Variants in ATL2 observed in about 807,000 individuals in gnomAD.
ATL2 encodes the protein atlastin-2.
In ATL2, 31 loss-of-function variants were observed where a neutral mutation model predicts 73.9. The observed-to-expected ratio is 0.42, with a 90% CI of 0.32 to 0.57. The LOEUF (loss-of-function observed/expected upper bound fraction) is 0.57. ATL2 is among the 20% of genes least tolerant of loss of function. The pLI, the probability that ATL2 is intolerant of heterozygous loss-of-function variation, is 0.14. For synonymous variants in ATL2, 291 were observed against 237.5 expected (o/e 1.23, Z -2.07); for missense variants, 738 against 702.6 (o/e 1.05, Z -0.57).
At chr2:38,296,460 G>C in intron 12 of ATL2, 3 of 1,585,334 alleles carry the variant, frequency 1.9e-6, no homozygotes, top group East Asian at 2.3e-5. Context: ...ACTTCAGATA[G>C]AGAAAAAGGT....
intron 2 of ATL2, among the ~76,000 whole-genome samples, chr2:38,335,450 C>T (rs1258325746): frequency 2.6e-5 from 4 of 152,132 alleles, no homozygotes; most frequent in African/African-American, 9.7e-5. Flanking sequence ...AATGTGCATA[C>T]ACCAGCCTTA....
intron 1 of ATL2, among the ~76,000 whole-genome samples, chr2:38,355,679 A>G (rs190306481): frequency 2.4e-4 from 36 of 151,362 alleles, no homozygotes; most frequent in Non-Finnish European, 2.9e-5. Flanking sequence ...AAACAGATAA[A>G]TGCATAGTCA....
At chr2:38,301,418 A>T (rs1667185524) in intron 9 of ATL2, among the ~76,000 whole-genome samples, 1 of 152,186 alleles carries the variant, frequency 6.6e-6, no homozygotes, top group Non-Finnish European at 1.5e-5. Context: ...AAGAACCAAA[A>T]ATCAGGTGAG....
At chr2:38,306,389 A>G (rs60609939) in intron 9 of ATL2, among the ~76,000 whole-genome samples, 15,718 of 152,264 alleles carry the variant, frequency 0.1, 2,715 homozygotes, top group African/African-American at 0.36. Context: ...AACCAATACT[A>G]CAAGGCCAGT....
At position 38,309,446 on chromosome 2, in the gene ATL2, T is replaced by G; in HGVS notation, c.1004A>C (p.Glu335Ala). ...RNLVPLLLAP[E>A]NLVEKEISGS... ...ACTTATCTCTTTTTCTACCAAATTTTCAGGGGCAAGCAGCAATGGAACCAG... is the reference window on the plus strand; with the variant it reads ...ACTTATCTCTTTTTCTACCAAATTTGCAGGGGCAAGCAGCAATGGAACCAG... The change falls in exon 9 of 13, where the codon GAA becomes GCA. Residue 335 changes from glutamate (E) to alanine (A), a missense_variant. By Grantham distance (107) the Glu-to-Ala change is moderately radical (BLOSUM62 -1). Coordinates refer to ENST00000378954, the MANE Select transcript of ATL2 (RefSeq NM_001135673.4). The G allele has an allele frequency of 6.2e-7, 1 of 1,612,788 alleles. No homozygotes were observed. Among genetic ancestry groups the G allele is most frequent in the African/African-American group, 1.3e-5 (1 of 75,014 alleles).
At chr2:38,319,097 T>C in intron 2 of ATL2, 78 bp from the exon 3 acceptor site, 1 of 1,462,352 alleles carries the variant, frequency 6.8e-7, no homozygotes, top group East Asian at 2.3e-5. Flanking sequence ...CATTCTTTAT[T>C]TTACAGATGG....
At chr2:38,329,368 C>T (rs2148458206) in intron 2 of ATL2, among the ~76,000 whole-genome samples, 1 of 124,562 alleles carries the variant, frequency 8.0e-6, no homozygotes, top group South Asian at 2.6e-4. Flanking sequence ...GCAGAGGGTG[C>T]AGTGGGCCAA....
chr2:38,316,945 A>C (rs998895850), intron 4 of ATL2, among the ~76,000 whole-genome samples: 1 of 152,108 alleles, frequency 6.6e-6, no homozygotes. Flanking sequence ...AAAGAGACTT[A>C]GAGGGTCCCC....
intron 9 of ATL2, among the ~76,000 whole-genome samples, chr2:38,302,525 C>T (rs1391063971): frequency 6.6e-6 from 1 of 152,122 alleles, no homozygotes; most frequent in Non-Finnish European, 1.5e-5. Flanking sequence ...TGCTGTGCTG[C>T]CTTCAGGTCT....
chr2:38,301,333 A>G (rs1022802586), intron 9 of ATL2, among the ~76,000 whole-genome samples: 1 of 152,230 alleles, frequency 6.6e-6, no homozygotes, highest in Non-Finnish European at 1.5e-5. Flanking sequence ...AAGATGGCCA[A>G]ATAGAAGCCT....
chr2:38,368,188 C>G (rs1671457313), intron 1 of ATL2, among the ~76,000 whole-genome samples: 1 of 151,866 alleles, frequency 6.6e-6, no homozygotes, highest in Admixed American at 6.6e-5. Flanking sequence ...CCCACCTCAG[C>G]CTCCCAAAGT....
intron 1 of ATL2, among the ~76,000 whole-genome samples, chr2:38,352,587 C>T (rs1490562013): frequency 6.6e-6 from 1 of 152,178 alleles, no homozygotes; most frequent in Non-Finnish European, 1.5e-5. Flanking sequence ...ACAAGCATCA[C>T]AGGTGCAGGG....
intron 2 of ATL2, among the ~76,000 whole-genome samples, chr2:38,332,370 C>T (rs6748931): frequency 6.6e-6 from 1 of 152,058 alleles, no homozygotes. Context: ...CCACGCTCGG[C>T]TAATTTTTTG....
chr2:38,306,632 A>T (rs775402847), intron 9 of ATL2, among the ~76,000 whole-genome samples: 1 of 152,264 alleles, frequency 6.6e-6, no homozygotes, highest in African/African-American at 2.4e-5. Flanking sequence ...CGTTATCACC[A>T]GAATGAAGAA....
In ATL2 at chr2:38,365,840, G is replaced by A. The variant is rs541377134; in HGVS notation, c.118+11303C>T. 7.2e-5 allele frequency among the ~76,000 whole-genome samples: 11 copies of A among 152,006 alleles called. No individual in the cohort carries two copies. In the South Asian group the frequency reaches 1.7e-3, roughly 23 times the overall value. ...TGTGTACCTAAAATCCCAGTTACTCGGGAGGCTGAGGCAGGAGAATGGTTT... is the reference window on the plus strand; with the variant it reads ...TGTGTACCTAAAATCCCAGTTACTCAGGAGGCTGAGGCAGGAGAATGGTTT... On this transcript the variant is annotated intron_variant, in intron 1 of 12. Transcript: ENST00000378954.
rs563448261 is a variant in ATL2, at chr2:38,377,016, G to C, written c.118+127C>G. On this transcript the variant is annotated intron_variant, in intron 1 of 12. Transcript: ENST00000378954. ...AGGCTAGGCCCGGCGGGCAGGCGCG[G>C]CGGCGGGAGGAGACCTGAACCAGCC... is the stretch of plus-strand genomic sequence containing the variant. The C allele has an allele frequency of 5.8e-6, 4 of 690,400 alleles. No homozygotes were observed. In the Admixed American group the frequency reaches 1.7e-4, roughly 30 times the overall value. The allele number at this position is 690,400 out of a possible 1,614,324, so 42.8% of individuals were successfully genotyped here. A position where few individuals can be genotyped will look rare whatever the true frequency, so the allele number is the denominator to read the frequency against.
At chr2:38,321,655 C>T (rs544673344) in intron 2 of ATL2, among the ~76,000 whole-genome samples, 5 of 152,150 alleles carry the variant, frequency 3.3e-5, no homozygotes, top group South Asian at 2.1e-4. Context: ...TCTGTGGCTC[C>T]GCACTACCAA....
chr2:38,376,898 G>T (rs533019710), intron 1 of ATL2, among the ~76,000 whole-genome samples: 18 of 150,508 alleles, frequency 1.2e-4, no homozygotes, highest in Middle Eastern at 3.4e-3. Flanking sequence ...GGTCGCAGAC[G>T]CGCGCGCCAC....
intron 1 of ATL2, among the ~76,000 whole-genome samples, chr2:38,363,868 A>C (rs1671151183): frequency 6.6e-6 from 1 of 152,260 alleles, no homozygotes; most frequent in Non-Finnish European, 1.5e-5. Context: ...TGAGTACAAA[A>C]GTAGCCCTTT....
Sources: allele counts gnomAD v4.1 joint callset (sites outside exome capture counted in the v4.1 genomes callset), GRCh38; gene constraint gnomAD v4.1.1; transcripts MANE v1.5; gene names NCBI Gene and HGNC (gene_info 2026-07-23, HGNC 2026-07-21).